The following KIF1A variants were observed in gnomAD, a reference collection of about 807,000 sequenced individuals.
KIF1A encodes kinesin-like protein KIF1A.
KIF1A carries 46 observed loss-of-function variants against 227.3 expected under a neutral mutation model. That is an observed-to-expected ratio of 0.20 (90% CI 0.16 to 0.26). The LOEUF is 0.26. Among genes scored for constraint, KIF1A ranks in the 10% least tolerant of loss-of-function variants. The pLI, the probability that KIF1A is intolerant of heterozygous loss-of-function variation, is 1.00. For missense variants in KIF1A, 1,683 were observed against 2,485.9 expected (o/e 0.68, Z 6.87); for synonymous variants, 1,022 against 1,012.8 (o/e 1.01, Z -0.17).
chr2:240,742,820 G>T, intron 34 of KIF1A, 109 bp downstream of exon 34: 1 of 1,018,348 alleles, frequency 9.8e-7, no homozygotes, highest in Non-Finnish European at 1.5e-6. Flanking sequence ...GCCTGGGAGG[G>T]CACAGCCCAG....
At chr2:240,777,235 A>G (rs1438611589) in intron 10 of KIF1A, among the ~76,000 whole-genome samples, 1 of 152,038 alleles carries the variant, frequency 6.6e-6, no homozygotes, top group Admixed American at 6.6e-5. Context: ...AAGTAGAGAC[A>G]GGGTTTCACC....
chr2:240,741,227 G>C lies in KIF1A; in HGVS notation c.3749+42C>G, dbSNP rs1013225. 0.26 allele frequency: 362,473 copies of C among 1,377,184 alleles called. 50,026 individuals carry two copies. Among genetic ancestry groups the C allele is most frequent in the African/African-American group, 0.34 (23,703 of 69,818 alleles). The allele number at this position is 1,377,184 out of a possible 1,614,324, so 85.3% of individuals were successfully genotyped here. ...CCTCGTCCCTCTCCGCGCACCCCCC[G>C]ACACACACTCACGCCCTGGGGGCCC... is the stretch of plus-strand genomic sequence containing the variant. On this transcript the variant is annotated intron_variant, in intron 35 of 48. Transcript: ENST00000498729.
intron 1 of KIF1A, among the ~76,000 whole-genome samples, chr2:240,812,956 A>ACCTCGGAGATCCGCCTTCACCTCGG (rs1559550038): frequency 1.7e-5 from 1 of 60,280 alleles, no homozygotes; most frequent in African/African-American, 7.8e-5. Flanking sequence ...CTTCACCTCA[A>ACCTCGGAGATCCGCCTTCACCTCGG]GGATCCACCT....
At chr2:240,813,222 CT>C (rs1213075489) in intron 1 of KIF1A, among the ~76,000 whole-genome samples, 1 of 152,258 alleles carries the variant, frequency 6.6e-6, no homozygotes, top group Non-Finnish European at 1.5e-5. Context: ...CTGGCCACCC[CT>C]GGAGAGTAAG....
intron 38 of KIF1A, among the ~76,000 whole-genome samples, chr2:240,729,499 G>T (rs2046376680): frequency 6.6e-6 from 1 of 152,192 alleles, no homozygotes; most frequent in South Asian, 2.1e-4. Flanking sequence ...GGGCTCCTTG[G>T]CCCCTGAGTG....
At chr2:240,765,573 C>T (rs1046005179) in intron 20 of KIF1A, 137 bp downstream of exon 20, 8 of 689,776 alleles carry the variant, frequency 1.2e-5, no homozygotes, top group African/African-American at 3.6e-5. Flanking sequence ...CCCGCAGCCC[C>T]CTCCCCTACC....
intron 20 of KIF1A, among the ~76,000 whole-genome samples, chr2:240,764,162 C>A (rs554474975): frequency 6.6e-5 from 10 of 152,194 alleles, no homozygotes; most frequent in African/African-American, 2.4e-4. Flanking sequence ...CCAGGTGGCC[C>A]GTGCCTGCAG....
intron 45 of KIF1A, chr2:240,720,283 A>G (rs1295488259): frequency 5.2e-6 from 1 of 192,890 alleles, no homozygotes; most frequent in African/African-American, 2.3e-5. Flanking sequence ...ACTGAAGGTG[A>G]CACGAGGTTC....
At chr2:240,819,496 C>T (rs1258696018) in intron 1 of KIF1A, among the ~76,000 whole-genome samples, 2 of 152,132 alleles carry the variant, frequency 1.3e-5, no homozygotes, top group Non-Finnish European at 2.9e-5. Flanking sequence ...GGTGGCCAGG[C>T]CCCAACGCCG....
rs1195379895 is a variant in KIF1A, at chr2:240,742,960, G to A, written c.3609C>T (p.His1203=). The change falls in exon 34 of 49, where the codon CAC becomes CAT. Residue 1203 remains histidine, a synonymous_variant. Coordinates refer to ENST00000498729, the MANE Select transcript of KIF1A (RefSeq NM_001244008.2). ...VLSPLRPSRR[H]FPRVMPLSKP... ...TGGACAGTGGCATGACCCGAGGGAA[G>A]TGGCGGCGCGAGGGCCTCAGGGGGC... is the stretch of plus-strand genomic sequence containing the variant. 1 of 1,611,776 alleles carries A rather than the reference G, an allele frequency of 6.2e-7. No homozygotes were observed. The highest frequency in any genetic ancestry group is 2.2e-5 in the East Asian group (1 of 44,838).
chr2:240,720,034 C>A lies in KIF1A; in HGVS notation c.4869-108G>T, dbSNP rs553614862. 16 of 1,144,940 alleles carry A rather than the reference C, an allele frequency of 1.4e-5. No homozygotes were observed. The South Asian group carries it at 1.9e-4, about 13-fold the overall frequency. 70.9% of individuals were successfully genotyped at this position (1,144,940 alleles called of 1,614,324 possible). A position where few individuals can be genotyped will look rare whatever the true frequency, so the allele number is the denominator to read the frequency against. On this transcript the variant is annotated intron_variant, in intron 45 of 48. Coordinates refer to ENST00000498729, the MANE Select transcript of KIF1A (RefSeq NM_001244008.2). ...GCACCTCAGAAGGTGCAGTAGGGCA[C>A]CTTCGCAGGGTCTCTCCAGCTGTGC...
At chr2:240,785,736 C>T (rs2054657486) in intron 6 of KIF1A, among the ~76,000 whole-genome samples, 1 of 152,234 alleles carries the variant, frequency 6.6e-6, no homozygotes, top group Non-Finnish European at 1.5e-5. Context: ...ACAGCACCCC[C>T]ACCCACCAGC....
chr2:240,782,487 C>G, intron 10 of KIF1A, 103 bp downstream of exon 10: 1 of 1,260,840 alleles, frequency 7.9e-7, no homozygotes, highest in Non-Finnish European at 1.1e-6. Flanking sequence ...CATCTCCCAG[C>G]GCACTCACTG....
At position 240,739,244 on chromosome 2, in the gene KIF1A, T is replaced by A. The variant is rs2047689027; in HGVS notation, c.3901+814A>T. ...GCAAGGCAGGGCTGGGCTGGCCTCA[T>A]GCTAGTGACACACTTGAATGGATGA... On this transcript the variant is annotated intron_variant, in intron 37 of 48. Transcript: ENST00000498729. The surrounding 1 kb of genome is among the most constrained non-coding windows in gnomAD (Gnocchi z 5.6). Among the ~76,000 whole-genome samples, 1 of 152,234 alleles carries A rather than the reference T, an allele frequency of 6.6e-6. No individual in the cohort carries two copies. The highest frequency in any genetic ancestry group is 2.4e-5 in the African/African-American group (1 of 41,460).
At position 240,786,720 on chromosome 2, in the gene KIF1A, G is replaced by A. The variant is rs10186489; in HGVS notation, c.430-207C>T. Among the ~76,000 whole-genome samples, 31,245 of 100,500 alleles carry A rather than the reference G, an allele frequency of 0.31. 2,157 individuals are homozygous for A. The highest frequency in any genetic ancestry group is 0.37 in the African/African-American group (8,966 of 24,466). 65.9% of individuals were successfully genotyped at this position (100,500 alleles called of 152,430 possible). A position where few individuals can be genotyped will look rare whatever the true frequency, so the allele number is the denominator to read the frequency against. On this transcript the variant is annotated intron_variant, in intron 5 of 48. Coordinates refer to ENST00000498729, the MANE Select transcript of KIF1A (RefSeq NM_001244008.2). ...GGAGCCAGCATCAGGACCCCTGAGT[G>A]AGGGGGTGGGGGCTGCCTGCTGGGC...
At chr2:240,751,510 C>T (rs537665027) in intron 27 of KIF1A, among the ~76,000 whole-genome samples, 1 of 152,294 alleles carries the variant, frequency 6.6e-6, no homozygotes, top group South Asian at 2.1e-4. Flanking sequence ...ATACCCCTGA[C>T]CTTCCTGCAG....
At chr2:240,796,070 C>G (rs1245089039) in intron 2 of KIF1A, among the ~76,000 whole-genome samples, 2 of 152,204 alleles carry the variant, frequency 1.3e-5, no homozygotes, top group Non-Finnish European at 2.9e-5. Flanking sequence ...TACAATGACA[C>G]AGCAAAGCCT....
intron 14 of KIF1A, among the ~76,000 whole-genome samples, chr2:240,771,599 G>C (rs962069903): frequency 2.6e-5 from 4 of 152,136 alleles, no homozygotes; most frequent in Admixed American, 2.0e-4. Context: ...CCACTGGCTT[G>C]GCGTGGTCAC....
At chr2:240,763,980 AC>A (rs1015921773) in intron 20 of KIF1A, among the ~76,000 whole-genome samples, 2 of 151,444 alleles carry the variant, frequency 1.3e-5, no homozygotes, top group Non-Finnish European at 2.9e-5. Flanking sequence ...ACCCGGCTGG[AC>A]CCCCCTCAGG....
Sources: allele counts gnomAD v4.1 joint callset (sites outside exome capture counted in the v4.1 genomes callset), GRCh38; gene constraint gnomAD v4.1.1; non-coding constraint Gnocchi (gnomAD v3.1); transcripts MANE v1.5; gene names NCBI Gene and HGNC (gene_info 2026-07-23, HGNC 2026-07-21).